Variants in TTLL2 observed in about 807,000 individuals in gnomAD.
TTLL2 encodes tubulin tyrosine ligase like 2.
A neutral mutation model predicts 7.5 loss-of-function variants in TTLL2; 10 were observed. The observed-to-expected ratio is 1.33, with a 90% CI of 0.82 to 2.25. The LOEUF is 2.25. Among genes scored for constraint, TTLL2 ranks in the 30% most tolerant of loss-of-function variants. The pLI is 0.00. For missense variants in TTLL2, 733 were observed against 735.7 expected (o/e 1.00, Z 0.04); for synonymous variants, 284 against 280.3 (o/e 1.01, Z -0.13).
At chr6:167,334,237 A>G (rs1486911357) in intron 1 of TTLL2, among the ~76,000 whole-genome samples, 1 of 147,948 alleles carries the variant, frequency 6.8e-6, no homozygotes, top group Admixed American at 6.7e-5. Context: ...TTCAGTTTCC[A>G]TGTAGTTGAG....
At position 167,338,792 on chromosome 6, in the gene TTLL2, C is replaced by T; in HGVS notation, c.193C>T (p.Leu65=). The change falls in exon 2 of 3, where the codon CTG becomes TTG. Residue 65 remains leucine (L), a synonymous_variant. Transcript: ENST00000239587. ...PPRRGRPTPT[L]EKKKKPHLMA... is the part of the protein sequence containing the mutation. ...CAGGCGAGGCCGCCCAACACCAACA[C>T]TGGAGAAGAAGGTGGGTGGGCAAGC... is the stretch of plus-strand genomic sequence containing the variant. 1 of 1,608,866 alleles carries T rather than the reference C, an allele frequency of 6.2e-7. No homozygotes were observed. The highest frequency in any genetic ancestry group is 8.5e-7 in the Non-Finnish European group (1 of 1,176,986).
intron 1 of TTLL2, chr6:167,328,299 G>T: frequency 3.0e-6 from 1 of 336,322 alleles, no homozygotes; most frequent in South Asian, 2.4e-5. Flanking sequence ...CTCATCTAGA[G>T]ATCGGGATTC....
rs34053826 is a variant in TTLL2, at chr6:167,340,670, G to T, written c.770G>T (p.Arg257Leu). The T allele has an allele frequency of 2.5e-6, 4 of 1,614,138 alleles. No homozygotes were observed. In the South Asian group the frequency reaches 4.4e-5, roughly 18 times the overall value. The change falls in exon 3 of 3, where the codon CGC becomes CTC. Residue 257 changes from arginine (R) to leucine (L), a missense_variant. By Grantham distance (102) the Arg-to-Leu change is moderately radical. Coordinates refer to ENST00000239587, the MANE Select transcript of TTLL2 (RefSeq NM_031949.5). ...LLIGRYKCDL[R>L]IYVCVTGFKP... ...ATTGGCAGATATAAATGTGATCTCC[G>T]CATCTATGTTTGTGTTACTGGCTTT...
At position 167,341,804 on chromosome 6, in the gene TTLL2, T is replaced by A. The variant is rs1779101997; in HGVS notation, c.*125T>A. The A allele has an allele frequency of 1.9e-6, 2 of 1,057,610 alleles. No individual in the cohort carries two copies. The highest frequency in any genetic ancestry group is 2.6e-6 in the Non-Finnish European group (2 of 756,166). The allele number at this position is 1,057,610 out of a possible 1,614,324, so 65.5% of individuals were successfully genotyped here. On this transcript the variant is annotated 3_prime_UTR_variant, in exon 3 of 3. Transcript: ENST00000239587. Reference sequence around the variant, plus strand: ...AGCATGTTAACTATGACATTGGGACTGAAGATGTGGCCATATGTATAAATA... The same window carrying A: ...AGCATGTTAACTATGACATTGGGACAGAAGATGTGGCCATATGTATAAATA...
rs1779074726 is a variant in TTLL2, at chr6:167,340,747, G to C, written c.847G>C (p.Glu283Gln). Residue 283 changes from glutamate to glutamine, a missense_variant, in exon 3 of 3, where the codon GAA becomes CAA. By Grantham distance (29) the Glu-to-Gln change is conservative. Transcript: ENST00000239587. ...GGAAGGGTTGGTTCGGTTTGCCACG[G>C]AAAAGTTTGACCTCAGTAATTTGCA... ...YQEGLVRFAT[E>Q]KFDLSNLQNN... is the part of the protein sequence containing the mutation. The C allele has an allele frequency of 6.2e-7, 1 of 1,614,038 alleles. No individual in the cohort carries two copies. The highest frequency in any genetic ancestry group is 2.2e-5 in the East Asian group (1 of 44,900).
chr6:167,329,099 C>G (rs1208940190), intron 1 of TTLL2, among the ~76,000 whole-genome samples: 1 of 152,138 alleles, frequency 6.6e-6, no homozygotes. Context: ...GGGCCCATCC[C>G]TCTCTCTGTG....
chr6:167,341,700 G>A lies in TTLL2; in HGVS notation c.*21G>A, dbSNP rs761304205. ...CCTAAGTGGTAAAAAATCAAATCAA[G>A]AAAAAGTGACATGGATTTTTAAAAA... is the stretch of plus-strand genomic sequence containing the variant. On this transcript the variant is annotated 3_prime_UTR_variant, in exon 3 of 3. Coordinates refer to ENST00000239587, the MANE Select transcript of TTLL2 (RefSeq NM_031949.5). 6.4e-7 allele frequency: 1 copy of A among 1,568,958 alleles called. No homozygotes were observed.
intron 1 of TTLL2, among the ~76,000 whole-genome samples, chr6:167,326,468 T>A (rs1778848774): frequency 6.6e-6 from 1 of 151,992 alleles, no homozygotes; most frequent in South Asian, 2.1e-4. Flanking sequence ...TCAGGAAAGG[T>A]GACAAGCAGA....
chr6:167,341,512 TC>T lies in TTLL2; in HGVS notation c.1616del (p.Pro539ArgfsTer36), dbSNP rs1230562511. 6.2e-7 allele frequency: 1 copy of T among 1,614,022 alleles called. No individual in the cohort carries two copies. Among genetic ancestry groups the T allele is most frequent in the East Asian group, 2.2e-5 (1 of 44,858 alleles). Reference protein sequence around the residue: ...FQSHSCKTKTSPCVLSDRGKA... With the variant: ...FQSHSCKTKTXPCVLSDRGKA... The stretch of plus-strand genomic sequence containing the variant: ...GTCGCACTCCTGCAAGACCAAGACC[TC>T]CCCGTGTGTCCTGTCAGACCGTGGC... On this transcript the variant is annotated frameshift_variant, in exon 3 of 3. Coordinates refer to ENST00000239587, the MANE Select transcript of TTLL2 (RefSeq NM_031949.5). LOFTEE classifies it low-confidence loss of function (END_TRUNC).
At chr6:167,338,933 T>C in intron 2 of TTLL2, 130 bp downstream of exon 2, 1 of 933,406 alleles carries the variant, frequency 1.1e-6, no homozygotes, top group Non-Finnish European at 1.5e-6. Flanking sequence ...CTTCTCTCCT[T>C]CCTTCCCTTC....
At chr6:167,339,401 A>G (rs1463321299) in intron 2 of TTLL2, among the ~76,000 whole-genome samples, 1 of 152,206 alleles carries the variant, frequency 6.6e-6, no homozygotes, top group Non-Finnish European at 1.5e-5. Flanking sequence ...TCGAAGTTCA[A>G]AAGAATATTT....
intron 1 of TTLL2, among the ~76,000 whole-genome samples, chr6:167,338,379 C>T (rs999746369): frequency 2.1e-5 from 3 of 145,600 alleles, no homozygotes; most frequent in Non-Finnish European, 4.4e-5. Flanking sequence ...CAACACATAC[C>T]ACATGTGACA....
At chr6:167,329,358 A>T (rs1266936303) in intron 1 of TTLL2, among the ~76,000 whole-genome samples, 1 of 152,010 alleles carries the variant, frequency 6.6e-6, no homozygotes, top group African/African-American at 2.4e-5. Flanking sequence ...GGCCCTGAAA[A>T]CCCAAATACA....
In TTLL2 at chr6:167,340,840, G is replaced by A; in HGVS notation, c.940G>A (p.Glu314Lys). The A allele has an allele frequency of 6.2e-7, 1 of 1,614,178 alleles. No homozygotes were observed. The highest frequency in any genetic ancestry group is 8.5e-7 in the Non-Finnish European group (1 of 1,180,038). ...CGGGGCCTCTTATGAGAAGATCAAA[G>A]AAGTGATTGGTCATGGTTGTAAATG... ...KSGASYEKIK[E>K]VIGHGCKWTL... Residue 314 changes from glutamate to lysine, a missense_variant, in exon 3 of 3, where the codon GAA becomes AAA. Coordinates refer to ENST00000239587, the MANE Select transcript of TTLL2 (RefSeq NM_031949.5).
At chr6:167,337,401 G>T (rs1294256824) in intron 1 of TTLL2, among the ~76,000 whole-genome samples, 1 of 152,146 alleles carries the variant, frequency 6.6e-6, no homozygotes, top group Non-Finnish European at 1.5e-5. Flanking sequence ...TTGCAGACCT[G>T]CCCTGTCTCG....
At chr6:167,337,191 G>C (rs893914346) in intron 1 of TTLL2, among the ~76,000 whole-genome samples, 2 of 152,238 alleles carry the variant, frequency 1.3e-5, no homozygotes, top group Non-Finnish European at 2.9e-5. Flanking sequence ...AGTTCCAAAA[G>C]GACTTTGAGA....
intron 1 of TTLL2, among the ~76,000 whole-genome samples, chr6:167,335,877 C>T (rs1221274284): frequency 4.8e-5 from 7 of 144,834 alleles, no homozygotes; most frequent in East Asian, 2.1e-4. Flanking sequence ...TGCTAGATGA[C>T]GAGTTAGTGG....
At chr6:167,328,163 G>A (rs1778871286) in intron 1 of TTLL2, 1 of 455,984 alleles carries the variant, frequency 2.2e-6, no homozygotes, top group East Asian at 6.9e-5. Context: ...TTTTTGCAGA[G>A]CCTGTCTTGG....
At chr6:167,332,635 T>C (rs1322545602) in intron 1 of TTLL2, among the ~76,000 whole-genome samples, 1 of 133,854 alleles carries the variant, frequency 7.5e-6, no homozygotes, top group Non-Finnish European at 1.6e-5. Context: ...GGTTTGTAGT[T>C]CTCCTTGAAG....
Sources: allele counts gnomAD v4.1 joint callset (sites outside exome capture counted in the v4.1 genomes callset), GRCh38; gene constraint gnomAD v4.1.1; transcripts MANE v1.5; gene names NCBI Gene and HGNC (gene_info 2026-07-23, HGNC 2026-07-21).